CTBP2: variants seen among roughly 807,000 people sequenced by gnomAD.
CTBP2 encodes the protein C-terminal binding protein 2.
Under a neutral mutation model 80.3 loss-of-function variants are expected in CTBP2, and 30 were observed. The observed-to-expected ratio is 0.37, with a 90% CI of 0.28 to 0.51. The LOEUF (loss-of-function observed/expected upper bound fraction) is 0.51. CTBP2 is among the 20% of genes least tolerant of loss of function. The pLI is 0.93. For synonymous variants in CTBP2, 594 were observed against 587.4 expected (o/e 1.01, Z -0.16); for missense variants, 1,212 against 1,375.3 (o/e 0.88, Z 1.88).
At position 124,998,115 on chromosome 10, in the gene CTBP2, G is replaced by A. The variant is rs1252121037; in HGVS notation, c.2034C>T (p.Thr678=). ...GGTACAGGTTGAGGATGTGGCAGAT[G>A]GTAGAGTCCGCTGTCTCTTCCACGG... Residue 678 remains threonine, a synonymous_variant, in exon 4 of 9, where the codon ACC becomes ACT. Coordinates refer to ENST00000309035, the MANE Select transcript of CTBP2 (RefSeq NM_022802.3). The A allele has an allele frequency of 3.7e-6, 6 of 1,612,238 alleles. No homozygotes were observed. Among genetic ancestry groups the A allele is most frequent in the Non-Finnish European group, 5.1e-6 (6 of 1,179,522 alleles).
chr10:125,128,124 G>C (rs941771376), intron 1 of CTBP2, among the ~76,000 whole-genome samples: 3 of 152,146 alleles, frequency 2.0e-5, no homozygotes, highest in African/African-American at 4.8e-5. Flanking sequence ...CCCAGCTCAT[G>C]GTGAGGCTGC....
intron 3 of CTBP2, chr10:125,001,406 G>A (rs1954487688): frequency 6.6e-6 from 1 of 152,256 alleles, no homozygotes; most frequent in Admixed American, 6.5e-5. Flanking sequence ...GAGCACAAAG[G>A]ACATTTGTTT....
intron 2 of CTBP2, 25 bp from the exon 3 acceptor site, chr10:125,039,180 T>C: frequency 2.5e-6 from 2 of 795,218 alleles, no homozygotes; most frequent in Non-Finnish European, 4.0e-6. Flanking sequence ...AAAGAATCCT[T>C]ACTCTCTGGA....
chr10:125,039,276 T>C (rs1959176145), intron 2 of CTBP2, 121 bp from the exon 3 acceptor site: 2 of 456,288 alleles, frequency 4.4e-6, no homozygotes, highest in Non-Finnish European at 7.8e-6. Flanking sequence ...ACATGGGACT[T>C]GCTCTTTTCC....
chr10:125,149,778 G>A (rs1316687676), intron 1 of CTBP2, among the ~76,000 whole-genome samples: 1 of 152,196 alleles, frequency 6.6e-6, no homozygotes, highest in Admixed American at 6.5e-5. Context: ...GGTCAACCTG[G>A]GAGCTCCCGC....
chr10:125,064,158 C>T (rs1844274564), intron 2 of CTBP2, among the ~76,000 whole-genome samples: 1 of 152,204 alleles, frequency 6.6e-6, no homozygotes, highest in South Asian at 2.1e-4. Context: ...ATGGTGAATA[C>T]CTCAGGGAAC....
intron 1 of CTBP2, among the ~76,000 whole-genome samples, chr10:125,148,484 T>C (rs1225586646): frequency 1.3e-5 from 2 of 152,226 alleles, no homozygotes; most frequent in African/African-American, 4.8e-5. Flanking sequence ...TAAACTCCTT[T>C]TTAAGCTTCC....
intron 2 of CTBP2, chr10:125,100,759 T>C (rs944503396): frequency 7.9e-5 from 12 of 152,170 alleles, no homozygotes; most frequent in Non-Finnish European, 1.3e-4. Flanking sequence ...TCTTCCTAGA[T>C]TGCAAATCAA....
chr10:125,077,303 A>C (rs966023625), intron 2 of CTBP2, among the ~76,000 whole-genome samples: 2 of 152,234 alleles, frequency 1.3e-5, no homozygotes, highest in Admixed American at 1.3e-4. Flanking sequence ...GATGCAGGGT[A>C]TAAGACACAT....
chr10:125,109,244 C>T (rs1416417252), intron 2 of CTBP2, among the ~76,000 whole-genome samples: 4 of 152,226 alleles, frequency 2.6e-5, no homozygotes, highest in South Asian at 2.1e-4. Flanking sequence ...GTCCATCCAG[C>T]GGAGATGCTC....
intron 2 of CTBP2, among the ~76,000 whole-genome samples, chr10:125,105,325 AT>A (rs1020419042): frequency 6.6e-6 from 1 of 152,088 alleles, no homozygotes; most frequent in Non-Finnish European, 1.5e-5. Flanking sequence ...TTTTAAAAAA[AT>A]TTTTTTATAG....
chr10:125,145,007 A>G (rs1858491827), intron 1 of CTBP2, among the ~76,000 whole-genome samples: 1 of 152,220 alleles, frequency 6.6e-6, no homozygotes, highest in South Asian at 2.1e-4. Flanking sequence ...ATGCCTGGTA[A>G]TGTTGGAGGG....
rs1038952844 is a variant in CTBP2 at position 125,083,723 on chromosome 10, C to T, written c.-102+27267G>A. Among the ~76,000 whole-genome samples the T allele has an allele frequency of 8.5e-5, 13 of 152,174 alleles. 1 individual carries two copies. Among genetic ancestry groups the T allele is most frequent in the Admixed American group, 1.3e-4 (2 of 15,272 alleles). On this transcript the variant is annotated intron_variant, in intron 2 of 10. Transcript: ENST00000337195. ...CTCCTGGACTCCAGCCGTCCTGCCACGTCAGCTTCTCAAGTAGCTGTGACT... is the reference window on the plus strand; with the variant it reads ...CTCCTGGACTCCAGCCGTCCTGCCATGTCAGCTTCTCAAGTAGCTGTGACT...
At chr10:125,005,702 T>G (rs1206782446) in intron 1 of CTBP2, 1 of 1,612,936 alleles carries the variant, frequency 6.2e-7, no homozygotes, top group Non-Finnish European at 8.5e-7. Context: ...AAGAAAATGG[T>G]ACAACTGCCA....
chr10:125,118,503 C>T (rs955519159), intron 1 of CTBP2, among the ~76,000 whole-genome samples: 1 of 152,178 alleles, frequency 6.6e-6, no homozygotes, highest in Non-Finnish European at 1.5e-5. Flanking sequence ...GCCCACACAA[C>T]GACGTCATTT....
intron 8 of CTBP2, among the ~76,000 whole-genome samples, chr10:124,990,042 GTTT>G (rs74920887): frequency 7.2e-6 from 1 of 138,866 alleles, no homozygotes; most frequent in Non-Finnish European, 1.6e-5. Flanking sequence ...CTGGCTAATA[GTTT>G]TTTTTTTTTT....
intron 1 of CTBP2, among the ~76,000 whole-genome samples, chr10:125,118,961 G>A (rs1279291679): frequency 1.3e-5 from 2 of 152,170 alleles, no homozygotes; most frequent in South Asian, 2.1e-4. Context: ...CAGAAGGAGC[G>A]GACATAGGAG....
chr10:125,039,572 G>A (rs904090542), intron 2 of CTBP2, among the ~76,000 whole-genome samples: 1 of 152,226 alleles, frequency 6.6e-6, no homozygotes, highest in Non-Finnish European at 1.5e-5. Flanking sequence ...GTGGCGACTC[G>A]AGGGGCTCTG....
intron 2 of CTBP2, among the ~76,000 whole-genome samples, chr10:125,101,430 G>A (rs775554093): frequency 5.0e-4 from 76 of 152,204 alleles, no homozygotes; most frequent in African/African-American, 1.1e-3. Flanking sequence ...GCATAGGAGC[G>A]GGTGCAGCAG....
Sources: gnomAD v4.1 joint callset for allele counts (sites outside exome capture counted in the v4.1 genomes callset) on GRCh38, gnomAD v4.1.1 for gene constraint, MANE v1.5 for transcripts, NCBI Gene and HGNC (gene_info 2026-07-23, HGNC 2026-07-21) for gene names.